The following STAG1 variants were observed in gnomAD, a reference collection of about 807,000 sequenced individuals.
The protein encoded by STAG1 is STAG1 cohesin complex component.
A neutral mutation model predicts 170.9 loss-of-function variants in STAG1; 26 were observed. The ratio of observed to expected loss-of-function variants is 0.15; its 90% CI spans 0.11 to 0.21. The LOEUF (loss-of-function observed/expected upper bound fraction) is 0.21, where lower values mean the gene tolerates loss of function less well. STAG1 is among the 10% of genes least tolerant of loss of function. The pLI, the probability that STAG1 is intolerant of heterozygous loss-of-function variation, is 1.00. For synonymous variants in STAG1, 514 were observed against 497.7 expected (o/e 1.03, Z -0.44); for missense variants, 964 against 1,509.5 (o/e 0.64, Z 5.99).
chr3:136,738,146 G>A (rs377733775), intron 1 of STAG1, among the ~76,000 whole-genome samples: 13 of 152,168 alleles, frequency 8.5e-5, no homozygotes, highest in Admixed American at 5.9e-4. Flanking sequence ...ATGAATGGTG[G>A]TTACCAGGGA....
At chr3:136,530,399 A>T (rs1222899413) in intron 6 of STAG1, among the ~76,000 whole-genome samples, 5 of 152,170 alleles carry the variant, frequency 3.3e-5, no homozygotes, top group Non-Finnish European at 5.9e-5. Context: ...TTATCCAACA[A>T]CTGCAGAATA....
intron 3 of STAG1, chr3:136,608,942 T>G (rs1939113115): frequency 6.6e-6 from 1 of 152,022 alleles, no homozygotes; most frequent in African/African-American, 2.4e-5. Context: ...TTTGAGCGGG[T>G]ATCAGTAGCT....
chr3:136,646,933 A>G (rs1299461226), intron 1 of STAG1, among the ~76,000 whole-genome samples: 1 of 152,054 alleles, frequency 6.6e-6, no homozygotes, highest in East Asian at 1.9e-4. Context: ...TAATAATAAT[A>G]AAGTTTCAAA....
intron 25 of STAG1, among the ~76,000 whole-genome samples, chr3:136,366,742 A>G (rs1379441260): frequency 6.6e-6 from 1 of 152,134 alleles, no homozygotes; most frequent in Non-Finnish European, 1.5e-5. Context: ...GTTCTTTCAT[A>G]TAAATGCTGG....
At chr3:136,646,807 G>A (rs909698572) in intron 1 of STAG1, among the ~76,000 whole-genome samples, 2 of 152,044 alleles carry the variant, frequency 1.3e-5, no homozygotes, top group Non-Finnish European at 2.9e-5. Flanking sequence ...TCGGGAGGCT[G>A]AGTCAGGAGA....
intron 13 of STAG1, among the ~76,000 whole-genome samples, chr3:136,463,797 A>G (rs2089355819): frequency 6.9e-6 from 1 of 144,336 alleles, no homozygotes; most frequent in Non-Finnish European, 1.5e-5. Flanking sequence ...ACACATATAC[A>G]TATACATACA....
At chr3:136,611,888 C>T in intron 3 of STAG1, among the ~76,000 whole-genome samples, 1 of 151,826 alleles carries the variant, frequency 6.6e-6, no homozygotes, top group East Asian at 1.9e-4. Context: ...CGCTCTGTCG[C>T]CCAGGCTGAA....
intron 4 of STAG1, 105 bp downstream of exon 4, chr3:136,604,204 A>T: frequency 9.8e-7 from 1 of 1,023,278 alleles, no homozygotes; most frequent in Non-Finnish European, 1.4e-6. Flanking sequence ...AAGGTTGCTT[A>T]CATAATCAAC....
intron 4 of STAG1, among the ~76,000 whole-genome samples, chr3:136,579,850 T>C (rs1220459981): frequency 6.6e-6 from 1 of 151,676 alleles, no homozygotes. Flanking sequence ...TAAATAATTA[T>C]GTAAATGCCA....
intron 6 of STAG1, among the ~76,000 whole-genome samples, chr3:136,522,276 GAT>G (rs1934718754): frequency 6.6e-6 from 1 of 152,168 alleles, no homozygotes; most frequent in Non-Finnish European, 1.5e-5. Context: ...GAACTAGTGT[GAT>G]ATACAGAACA....
At chr3:136,371,913 G>A (rs1937360354) in intron 23 of STAG1, among the ~76,000 whole-genome samples, 1 of 152,178 alleles carries the variant, frequency 6.6e-6, no homozygotes, top group South Asian at 2.1e-4. Context: ...GTAGCTTGAT[G>A]GGGATGGCAT....
intron 1 of STAG1, among the ~76,000 whole-genome samples, chr3:136,722,493 A>G (rs1933339564): frequency 2.0e-5 from 3 of 152,170 alleles, no homozygotes; most frequent in Admixed American, 1.3e-4. Flanking sequence ...TGGTAAAGTA[A>G]GGGGGCTATA....
chr3:136,369,297 C>T lies in STAG1; in HGVS notation c.2371-15G>A, dbSNP rs760816983. 1.2e-5 allele frequency: 18 copies of T among 1,560,580 alleles called. No homozygotes were observed. The highest frequency in any genetic ancestry group is 8.6e-7 in the Non-Finnish European group (1 of 1,162,488). ...AACATGAAAGCCTGGAATACAAAGG[C>T]AATTTATCAGCAAAATATTACACAA... On this transcript the variant is annotated splice_polypyrimidine_tract_variant and intron_variant, in intron 23 of 33. Transcript: ENST00000383202.
At chr3:136,378,989 T>A (rs1048925935) in intron 22 of STAG1, among the ~76,000 whole-genome samples, 4 of 152,230 alleles carry the variant, frequency 2.6e-5, no homozygotes, top group East Asian at 1.9e-4. Flanking sequence ...TTTTTGGGGA[T>A]CTTTACATCC....
intron 4 of STAG1, among the ~76,000 whole-genome samples, chr3:136,571,637 C>T (rs2107765454): frequency 6.6e-6 from 1 of 152,162 alleles, no homozygotes; most frequent in South Asian, 2.1e-4. Flanking sequence ...CCTGGGAGGC[C>T]AAGGCAGGAG....
chr3:136,650,423 A>C (rs1188332115), intron 1 of STAG1, among the ~76,000 whole-genome samples: 1 of 152,218 alleles, frequency 6.6e-6, no homozygotes, highest in Non-Finnish European at 1.5e-5. Context: ...GGCAACTTTT[A>C]TTCTTTGCTT....
At chr3:136,701,963 C>CTT (rs552750389) in intron 1 of STAG1, among the ~76,000 whole-genome samples, 39 of 145,350 alleles carry the variant, frequency 2.7e-4, no homozygotes, top group African/African-American at 9.0e-4. Flanking sequence ...TTCTTTTACT[C>CTT]TTTTTTTTTT....
chr3:136,733,059 A>T (rs1252216570), intron 1 of STAG1, among the ~76,000 whole-genome samples: 1 of 150,714 alleles, frequency 6.6e-6, no homozygotes. Flanking sequence ...GCACAACACA[A>T]TATAGTCTAG....
chr3:136,544,600 T>C (rs1936066531), intron 5 of STAG1, among the ~76,000 whole-genome samples: 1 of 151,822 alleles, frequency 6.6e-6, no homozygotes, highest in Admixed American at 6.6e-5. Context: ...TCATCTCTAC[T>C]AAAAATACAA....
Sources: allele counts gnomAD v4.1 joint callset (sites outside exome capture counted in the v4.1 genomes callset), GRCh38; gene constraint gnomAD v4.1.1; transcripts MANE v1.5; gene names NCBI Gene and HGNC (gene_info 2026-07-23, HGNC 2026-07-21).